EOMES: variants seen among roughly 807,000 people sequenced by gnomAD.
EOMES encodes the protein eomesodermin.
In EOMES, 18 loss-of-function variants were observed where a neutral mutation model predicts 61.0. The ratio of observed to expected loss-of-function variants is 0.30; its 90% confidence interval spans 0.20 to 0.44. The LOEUF is 0.44. EOMES is among the 20% of genes least tolerant of loss of function. The pLI, the probability that EOMES is intolerant of heterozygous loss-of-function variation, is 1.00. For synonymous variants in EOMES, 430 were observed against 394.0 expected (o/e 1.09, Z -1.08); for missense variants, 885 against 939.2 (o/e 0.94, Z 0.75).
chr3:27,719,253 T>C (rs2060592455), intron 3 of EOMES, 107 bp downstream of exon 3: 3 of 1,167,966 alleles, frequency 2.6e-6, no homozygotes, highest in Non-Finnish European at 3.7e-6. Context: ...AGCAAACAGG[T>C]CACAAATGCA....
intron 5 of EOMES, 98 bp downstream of exon 5, chr3:27,718,489 G>C: frequency 1.2e-6 from 1 of 831,980 alleles, no homozygotes; most frequent in South Asian, 2.3e-5. Context: ...AATCCCAAAG[G>C]TAAAAGCTCT....
chr3:27,720,030 A>G, intron 2 of EOMES, 141 bp downstream of exon 2: 1 of 740,096 alleles, frequency 1.4e-6, no homozygotes, highest in East Asian at 2.7e-5. Context: ...AAGCAACTCA[A>G]AGACACTCAT....
chr3:27,718,565 T>G (rs1038044466), intron 5 of EOMES, 22 bp downstream of exon 5: 5 of 1,562,768 alleles, frequency 3.2e-6, no homozygotes. Flanking sequence ...ATCAGGCAAG[T>G]GTGGATAAAA....
Position 27,716,434 on chromosome 3 carries a change from G to T in EOMES, c.*636C>A, listed in dbSNP as rs1486112370. The T allele has an allele frequency of 1.4e-5, 2 of 139,474 alleles. No homozygotes were observed. Among genetic ancestry groups the T allele is most frequent in the Admixed American group, 7.7e-5 (1 of 13,046 alleles). The allele number at this position is 139,474 out of a possible 1,614,324, so 8.6% of individuals were successfully genotyped here. A position where few individuals can be genotyped will look rare whatever the true frequency, so the allele number is the denominator to read the frequency against. On this transcript the variant is annotated 3_prime_UTR_variant, in exon 6 of 6. Transcript: ENST00000449599. ...GCTTGCTCTCTCCTGAGTCCCACTG[G>T]CCACCCCAGCACACAGCAGAGGCCT...
At chr3:27,720,562 A>G (rs2060604318) in intron 1 of EOMES, among the ~76,000 whole-genome samples, 1 of 97,524 alleles carries the variant, frequency 1.0e-5, no homozygotes, top group African/African-American at 4.8e-5. Context: ...AAAAAAAAAA[A>G]AAAAAAAAAG....
intron 4 of EOMES, 26 bp downstream of exon 4, chr3:27,718,709 A>G (rs1210973646): frequency 2.5e-6 from 4 of 1,613,792 alleles, no homozygotes; most frequent in Middle Eastern, 1.6e-4. Flanking sequence ...AGCTTTAGAG[A>G]TTCTTGAGAT....
In EOMES at chr3:27,717,377, A is replaced by G; in HGVS notation, c.1811T>C (p.Met604Thr). 6.2e-7 allele frequency: 1 copy of G among 1,614,206 alleles called. No individual in the cohort carries two copies. Among genetic ancestry groups the G allele is most frequent in the Non-Finnish European group, 8.5e-7 (1 of 1,180,020 alleles). ...GGAGGTCCATGGTAGTCCAGCTGCCATCTTCCTCTGGTAAGAACCTCGACC... is the reference window on the plus strand; with the variant it reads ...GGAGGTCCATGGTAGTCCAGCTGCCGTCTTCCTCTGGTAAGAACCTCGACC... ...WGGRGSYQRKMAAGLPWTSRT... is the reference protein window; with the variant it reads ...WGGRGSYQRKTAAGLPWTSRT... The change falls in exon 6 of 6, where the codon ATG (methionine) becomes ACG (threonine). Residue 604 changes from methionine to threonine, a missense_variant. By Grantham distance (81) the Met-to-Thr change is moderately conservative (BLOSUM62 -1). Coordinates refer to ENST00000449599, the MANE Select transcript of EOMES (RefSeq NM_001278182.2). The surrounding 1 kb of genome is among the most constrained non-coding windows in gnomAD (Gnocchi z 4.5).
Position 27,717,612 on chromosome 3 carries a change from G to A in EOMES, c.1576C>T (p.Gln526Ter), listed in dbSNP as rs2060578982. The change falls in exon 6 of 6, where the codon CAG (glutamine) becomes TAG (stop). Residue 526 changes from glutamine (Q) to a stop codon, truncating the protein, a stop_gained. Transcript: ENST00000449599. LOFTEE classifies it high-confidence loss of function. The surrounding 1 kb of genome is among the most constrained non-coding windows in gnomAD (Gnocchi z 4.5). ...PQTNGLLSPQQSEEVANPPQR... is the reference protein window; with the variant it reads ...PQTNGLLSPQ ...GGAGGGTTGGCCACCTCTTCGCTCTGTTGGGGTGAAAGGAGGCCGTTGGTC... is the reference window on the plus strand; with the variant it reads ...GGAGGGTTGGCCACCTCTTCGCTCTATTGGGGTGAAAGGAGGCCGTTGGTC... 1 of 1,614,118 alleles carries A rather than the reference G, an allele frequency of 6.2e-7. No individual in the cohort carries two copies. Among genetic ancestry groups the A allele is most frequent in the Non-Finnish European group, 8.5e-7 (1 of 1,179,990 alleles).
chr3:27,719,014 T>A (rs1001937519), intron 3 of EOMES, 121 bp from the exon 4 acceptor site: 2 of 757,546 alleles, frequency 2.6e-6, no homozygotes, highest in Admixed American at 5.9e-5. Flanking sequence ...CACTAACAGC[T>A]TTGTTTATTG....
chr3:27,719,486 G>A lies in EOMES; in HGVS notation c.1037-5C>T. 6.2e-7 allele frequency: 1 copy of A among 1,612,412 alleles called. No individual in the cohort carries two copies. Among genetic ancestry groups the A allele is most frequent in the South Asian group, 1.1e-5 (1 of 90,746 alleles). ...GGTGAACATACATTTTGTTGCCTAA[G>A]AGAAAATGAAACAAAACACAAAACC... On this transcript the variant is annotated splice_region_variant and splice_polypyrimidine_tract_variant and intron_variant, in intron 2 of 5. Coordinates refer to ENST00000449599, the MANE Select transcript of EOMES (RefSeq NM_001278182.2).
At chr3:27,722,466 C>G, upstream of EOMES, 2 of 1,357,198 alleles carry the variant, frequency 1.5e-6, no homozygotes, top group Non-Finnish European at 1.9e-6. Context: ...CGTACTGGCG[C>G]GCCCTGAATC....
chr3:27,720,972 C>T (rs1331134518), intron 1 of EOMES, among the ~76,000 whole-genome samples: 2 of 152,198 alleles, frequency 1.3e-5, no homozygotes, highest in African/African-American at 4.8e-5. Flanking sequence ...GGAGACGCCC[C>T]GTGGAGACCC....
rs773515724 is a variant in EOMES at position 27,721,913 on chromosome 3, C to G, written c.382G>C (p.Ala128Pro). 3 of 1,386,336 alleles carry G rather than the reference C, an allele frequency of 2.2e-6. No individual in the cohort carries two copies. The highest frequency in any genetic ancestry group is 2.8e-6 in the Non-Finnish European group (3 of 1,082,436). The allele number at this position is 1,386,336 out of a possible 1,614,324, so 85.9% of individuals were successfully genotyped here. A position where few individuals can be genotyped will look rare whatever the true frequency, so the allele number is the denominator to read the frequency against. ...ATGGAGTAGCGCGCAGTGGCCGCAG[C>G]CGCGGCGGCGGCGGCGGCGGCGGCT... Reference protein sequence around the residue: ...AAAAAAAAAAAAATARYSMDS... With the variant: ...AAAAAAAAAAPAATARYSMDS... The change falls in exon 1 of 6, where the codon GCT (alanine) becomes CCT (proline). Residue 128 changes from alanine (A) to proline (P), a missense_variant. Around this residue, in one of 3 missense-constraint regions of EOMES, gnomAD observed 449 missense variants for 383.6 expected, o/e 1.17. Transcript: ENST00000449599. The surrounding 1 kb of genome is among the most constrained non-coding windows in gnomAD (Gnocchi z 7.4).
upstream of EOMES, chr3:27,722,639 C>G: frequency 9.3e-7 from 1 of 1,080,754 alleles, no homozygotes; most frequent in Non-Finnish European, 1.1e-6. Flanking sequence ...TCTTTGTCCC[C>G]ATCCACCCAC....
upstream of EOMES, chr3:27,722,442 G>A (rs1035415808): frequency 7.3e-7 from 1 of 1,370,708 alleles, no homozygotes; most frequent in Non-Finnish European, 9.3e-7. Flanking sequence ...GCCGACTCGC[G>A]GGCCGCTACT....
Position 27,720,242 on chromosome 3 carries a change from G to T in EOMES, c.965C>A (p.Ala322Glu), listed in dbSNP as rs761569819. ...HYNVFVEVVL[A>E]DPNHWRFQGG... ...CTGGAAGCGCCAGTGGTTGGGGTCC[G>T]CCAGCACCACCTCTACGAACACATT... is the stretch of plus-strand genomic sequence containing the variant. Residue 322 changes from alanine to glutamate, a missense_variant, in exon 2 of 6, where the codon GCG (alanine) becomes GAG (glutamate). Coordinates refer to ENST00000449599, the MANE Select transcript of EOMES (RefSeq NM_001278182.2). The T allele has an allele frequency of 9.9e-6, 16 of 1,613,004 alleles. No individual in the cohort carries two copies. The South Asian group carries it at 1.8e-4, about 18-fold the overall frequency.
chr3:27,721,795 G>A lies in EOMES; in HGVS notation c.500C>T (p.Ala167Val). 1.3e-6 allele frequency: 2 copies of A among 1,504,256 alleles called. No individual in the cohort carries two copies. The highest frequency in any genetic ancestry group is 1.8e-6 in the Non-Finnish European group (2 of 1,138,068). The allele number at this position is 1,504,256 out of a possible 1,614,324, so 93.2% of individuals were successfully genotyped here. Reference sequence around the variant, plus strand: ...AGGTCCGTGGGGCGCCCCAGCCGCCGCCTGGTACGGGAAGAGTGAGCAGGG... The same window carrying A: ...AGGTCCGTGGGGCGCCCCAGCCGCCACCTGGTACGGGAAGAGTGAGCAGGG... ...AAPCSLFPYQAAAGAPHGPVY... is the reference protein window; with the variant it reads ...AAPCSLFPYQVAAGAPHGPVY... Residue 167 changes from alanine (A) to valine (V), a missense_variant, in exon 1 of 6, where the codon GCG (alanine) becomes GTG (valine). By Grantham distance (64) the Ala-to-Val change is moderately conservative. This residue lies in a region of EOMES where 449 missense variants were observed against 383.6 expected (regional missense o/e 1.17). Transcript: ENST00000449599. This position sits in a 1 kb window ranked among gnomAD's most constrained non-coding sequence, Gnocchi z 7.4.
rs2060593194 is a variant in EOMES at position 27,719,353 on chromosome 3, A to G, written c.1158+7T>C. 1 of 1,613,700 alleles carries G rather than the reference A, an allele frequency of 6.2e-7. No individual in the cohort carries two copies. Among genetic ancestry groups the G allele is most frequent in the Non-Finnish European group, 8.5e-7 (1 of 1,179,904 alleles). ...AGAAGATATCCCCTCCTGCTCTGTC[A>G]CTCTACCTGGGTGTTGTTGTTATTT... On this transcript the variant is annotated splice_region_variant and intron_variant, in intron 3 of 5. Coordinates refer to ENST00000449599, the MANE Select transcript of EOMES (RefSeq NM_001278182.2).
chr3:27,717,060 A>T lies in EOMES; in HGVS notation c.*10T>A. On this transcript the variant is annotated 3_prime_UTR_variant, in exon 6 of 6. Coordinates refer to ENST00000449599, the MANE Select transcript of EOMES (RefSeq NM_001278182.2). This position sits in a 1 kb window ranked among gnomAD's most constrained non-coding sequence, Gnocchi z 4.5. ...AAAAGTTAGCTAATTTTTGAGGTTA[A>T]AATAACTCTTTAGGGAGTTGTGTAA... 6.3e-7 allele frequency: 1 copy of T among 1,582,058 alleles called. No homozygotes were observed. The highest frequency in any genetic ancestry group is 8.6e-7 in the Non-Finnish European group (1 of 1,162,954).
Sources: gnomAD v4.1 joint callset for allele counts (sites outside exome capture counted in the v4.1 genomes callset) on GRCh38, gnomAD v4.1.1 for gene constraint, gnomAD v4.1.1 regional missense constraint, Gnocchi (gnomAD v3.1) non-coding constraint, MANE v1.5 for transcripts, NCBI Gene and HGNC (gene_info 2026-07-23, HGNC 2026-07-21) for gene names.